The following EBF3 variants were observed in gnomAD, a reference collection of about 807,000 sequenced individuals.
EBF3 encodes the protein transcription factor COE3.
Under a neutral mutation model 77.1 loss-of-function variants are expected in EBF3, and 18 were observed. The ratio of observed to expected loss-of-function variants is 0.23; its 90% CI spans 0.16 to 0.35. The LOEUF (loss-of-function observed/expected upper bound fraction) is 0.35, where lower values mean the gene tolerates loss of function less well. EBF3 is among the 10% of genes least tolerant of loss of function. The pLI is 1.00. For missense variants in EBF3, 558 were observed against 860.0 expected, an observed-to-expected ratio of 0.65 and a Z score of 4.39; for synonymous variants, 350 against 343.5, an observed-to-expected ratio of 1.02 and a Z score of -0.21.
intron 14 of EBF3, 33 bp from the exon 15 acceptor site, chr10:129,840,475 G>A (rs941161736): frequency 6.5e-7 from 1 of 1,541,170 alleles, no homozygotes; most frequent in Non-Finnish European, 8.8e-7. Flanking sequence ...AGCACGCGCG[G>A]CCGCGGCACA....
At chr10:129,927,628 C>T (rs972415995) in intron 6 of EBF3, among the ~76,000 whole-genome samples, 1 of 152,210 alleles carries the variant, frequency 6.6e-6, no homozygotes, top group African/African-American at 2.4e-5. Context: ...CCACCCTGAA[C>T]CCATGCCTCT....
chr10:129,917,757 G>A (rs1452492803), intron 6 of EBF3, among the ~76,000 whole-genome samples: 1 of 150,876 alleles, frequency 6.6e-6, no homozygotes, highest in Non-Finnish European at 1.5e-5. Context: ...AAAAGTATCA[G>A]GCTTGCTCCC....
chr10:129,957,474 C>G, intron 5 of EBF3, 148 bp from the exon 6 acceptor site: 1 of 630,206 alleles, frequency 1.6e-6, no homozygotes, highest in Non-Finnish European at 2.7e-6. Flanking sequence ...AGTGAGTTCA[C>G]GTGTTCTGCG....
intron 6 of EBF3, among the ~76,000 whole-genome samples, chr10:129,953,591 C>T (rs1168999530): frequency 6.6e-6 from 1 of 152,322 alleles, no homozygotes; most frequent in East Asian, 1.9e-4. Context: ...AGTGGGACGC[C>T]GGAGACGGTG....
intron 6 of EBF3, among the ~76,000 whole-genome samples, chr10:129,936,029 G>A (rs988703889): frequency 3.9e-5 from 6 of 152,164 alleles, no homozygotes; most frequent in Non-Finnish European, 5.9e-5. Context: ...AGTCAACGGC[G>A]GCAGGTGCAG....
intron 6 of EBF3, among the ~76,000 whole-genome samples, chr10:129,905,074 G>A (rs992813114): frequency 1.8e-4 from 28 of 152,246 alleles, no homozygotes; most frequent in African/African-American, 6.5e-4. Flanking sequence ...GCCCTCTAGG[G>A]TGAGGTGACT....
At chr10:129,887,775 G>A (rs1480213550) in intron 6 of EBF3, among the ~76,000 whole-genome samples, 1 of 152,182 alleles carries the variant, frequency 6.6e-6, no homozygotes, top group Non-Finnish European at 1.5e-5. Flanking sequence ...CACATGGCGA[G>A]TGGTGGGTTC....
At position 129,952,016 on chromosome 10, in the gene EBF3, C is replaced by T. The variant is rs566677569; in HGVS notation, c.554+5242G>A. Among the ~76,000 whole-genome samples, 4 of 152,322 alleles carry T rather than the reference C, an allele frequency of 2.6e-5. No individual in the cohort carries two copies. The highest frequency in any genetic ancestry group is 1.9e-4 in the East Asian group (1 of 5,184). On this transcript the variant is annotated intron_variant, in intron 6 of 16. Coordinates refer to ENST00000440978, the MANE Select transcript of EBF3 (RefSeq NM_001375380.1). The surrounding 1 kb of genome is among the most constrained non-coding windows in gnomAD (Gnocchi z 4.7). The stretch of plus-strand genomic sequence containing the variant: ...TGAGCCCGGCGAAGCCAAATGGGGC[C>T]GGTGCCAGCCAGAATCAGATTCTTT...
intron 6 of EBF3, among the ~76,000 whole-genome samples, chr10:129,954,181 A>G (rs1858872279): frequency 6.6e-6 from 1 of 152,158 alleles, no homozygotes; most frequent in African/African-American, 2.4e-5. Flanking sequence ...TACCATAGAT[A>G]CTTTTTTCCT....
In EBF3 at chr10:129,841,995, G is replaced by C; in HGVS notation, c.1372+121C>G. On this transcript the variant is annotated intron_variant, in intron 13 of 16. Coordinates refer to ENST00000440978, the MANE Select transcript of EBF3 (RefSeq NM_001375380.1). The surrounding 1 kb of genome is among the most constrained non-coding windows in gnomAD (Gnocchi z 4.6). ...CTGAGCAAAGGAACCAGCAGAGCCAGAGAGAACAGAACGCTACGGACATTC... is the reference window on the plus strand; with the variant it reads ...CTGAGCAAAGGAACCAGCAGAGCCACAGAGAACAGAACGCTACGGACATTC... 7.6e-7 allele frequency: 1 copy of C among 1,309,724 alleles called. No homozygotes were observed. The highest frequency in any genetic ancestry group is 1.1e-6 in the Non-Finnish European group (1 of 949,452). The allele number at this position is 1,309,724 out of a possible 1,614,324, so 81.1% of individuals were successfully genotyped here. A position where few individuals can be genotyped will look rare whatever the true frequency, so the allele number is the denominator to read the frequency against.
intron 6 of EBF3, among the ~76,000 whole-genome samples, chr10:129,916,939 AG>A (rs1458097525): frequency 6.6e-6 from 1 of 152,252 alleles, no homozygotes; most frequent in East Asian, 1.9e-4. Context: ...AGCCACATCC[AG>A]GCCTGAGTTT....
At chr10:129,855,487 C>G (rs746983510) in intron 10 of EBF3, among the ~76,000 whole-genome samples, 1 of 152,194 alleles carries the variant, frequency 6.6e-6, no homozygotes, top group Admixed American at 6.5e-5. Flanking sequence ...CCCTGCAGCT[C>G]GGAAAACTAA....
intron 10 of EBF3, among the ~76,000 whole-genome samples, chr10:129,854,977 C>T (rs1435945708): frequency 6.6e-6 from 1 of 152,162 alleles, no homozygotes; most frequent in Admixed American, 6.5e-5. Context: ...TTGTGTTTGC[C>T]CTCACAGAAA....
At chr10:129,904,138 C>T (rs1038021852) in intron 6 of EBF3, among the ~76,000 whole-genome samples, 14 of 152,168 alleles carry the variant, frequency 9.2e-5, no homozygotes, top group African/African-American at 2.9e-4. Context: ...GAATGCCCAT[C>T]CCCAACTCAT....
chr10:129,868,680 G>A (rs959349933), intron 8 of EBF3, among the ~76,000 whole-genome samples: 9 of 152,234 alleles, frequency 5.9e-5, no homozygotes, highest in Non-Finnish European at 1.3e-4. Context: ...CCACAGCCCA[G>A]GGAGACAGGC....
chr10:129,842,153 G>C lies in EBF3; in HGVS notation c.1335C>G (p.Ala445=), dbSNP rs575743835. The change falls in exon 13 of 17, where the codon GCC becomes GCG. Residue 445 remains alanine (A), a synonymous_variant. Transcript: ENST00000440978. The surrounding 1 kb of genome is among the most constrained non-coding windows in gnomAD (Gnocchi z 4.4). ...MGVNSFSSQL[A]VNVSETSQAN... ...CTTGTGACGTCTCTGACACGTTGAC[G>C]GCTAGCTGGCTGCTGAAGGAGTTGA... 6.2e-7 allele frequency: 1 copy of C among 1,614,240 alleles called. No individual in the cohort carries two copies. The highest frequency in any genetic ancestry group is 8.5e-7 in the Non-Finnish European group (1 of 1,180,046).
At position 129,915,791 on chromosome 10, in the gene EBF3, G is replaced by A. The variant is rs186785140; in HGVS notation, c.555-37942C>T. Among the ~76,000 whole-genome samples the A allele has an allele frequency of 2.5e-4, 38 of 152,260 alleles. No individual in the cohort carries two copies. In the East Asian group the frequency reaches 6.4e-3, roughly 26 times the overall value. ...CTTTTTCCGTTTTGTCTAGAAATTT[G>A]GGTTGCACTAAATTCTCAGCTGAAT... On this transcript the variant is annotated intron_variant, in intron 6 of 16. Coordinates refer to ENST00000440978, the MANE Select transcript of EBF3 (RefSeq NM_001375380.1).
At chr10:129,957,968 TATAA>T (rs1273235958) in intron 5 of EBF3, among the ~76,000 whole-genome samples, 19 of 152,256 alleles carry the variant, frequency 1.2e-4, no homozygotes, top group African/African-American at 4.6e-4. Context: ...AGGCAAAGTA[TATAA>T]AGCCTTTTAA....
At chr10:129,838,438 T>C (rs1470037901) in intron 16 of EBF3, among the ~76,000 whole-genome samples, 1 of 152,222 alleles carries the variant, frequency 6.6e-6, no homozygotes, top group Admixed American at 6.5e-5. Context: ...TTTCCCCCTC[T>C]GCTTCCAGGT....
Sources: allele counts gnomAD v4.1 joint callset (sites outside exome capture counted in the v4.1 genomes callset), GRCh38; gene constraint gnomAD v4.1.1; non-coding constraint Gnocchi (gnomAD v3.1); transcripts MANE v1.5; gene names NCBI Gene and HGNC (gene_info 2026-07-23, HGNC 2026-07-21).